Variants in NPAS3 observed in about 807,000 individuals in gnomAD.
The protein encoded by NPAS3 is neuronal PAS domain protein 3, also known as neuronal PAS domain-containing protein 3.
A neutral mutation model predicts 73.1 loss-of-function variants in NPAS3; 14 were observed. The observed-to-expected ratio is 0.19, with a 90% confidence interval of 0.13 to 0.30. The LOEUF (loss-of-function observed/expected upper bound fraction) is 0.30. Among genes scored for constraint, NPAS3 ranks in the 10% least tolerant of loss-of-function variants. The probability of loss-of-function intolerance (pLI) is 1.00; values close to 1 mark genes in which losing one functional copy is unlikely to be tolerated. For missense variants in NPAS3, 1,096 were observed against 1,250.0 expected, an observed-to-expected ratio of 0.88 and a Z score of 1.86; for synonymous variants, 620 against 541.5, an observed-to-expected ratio of 1.14 and a Z score of -2.01.
chr14:32,934,926 C>A, upstream of NPAS3: 1 of 1,080,378 alleles, frequency 9.3e-7, no homozygotes, highest in Non-Finnish European at 1.1e-6. The surrounding 1 kb of genome is among the most constrained non-coding windows in gnomAD (Gnocchi z 4.1). Context: ...TGCCGGCCGG[C>A]GCGGGCATGG....
chr14:33,544,712 C>T (rs971137056), intron 4 of NPAS3, among the ~76,000 whole-genome samples: 3 of 123,396 alleles, frequency 2.4e-5, no homozygotes, highest in Non-Finnish European at 4.9e-5. Flanking sequence ...TTTAAGTCAC[C>T]CAATCTGTGG....
intron 4 of NPAS3, among the ~76,000 whole-genome samples, chr14:33,491,257 T>C (rs572730703): frequency 6.6e-6 from 1 of 152,008 alleles, no homozygotes; most frequent in South Asian, 2.1e-4. Flanking sequence ...TTTTTTTTTC[T>C]CAAAGCCTAA....
At chr14:33,451,481 G>C (rs79771595) in intron 4 of NPAS3, among the ~76,000 whole-genome samples, 1 of 152,106 alleles carries the variant, frequency 6.6e-6, no homozygotes, top group Non-Finnish European at 1.5e-5. Context: ...CCTGAAGTGC[G>C]TTGCCCATTC....
chr14:33,302,987 A>G (rs980073066), intron 3 of NPAS3, among the ~76,000 whole-genome samples: 7 of 151,442 alleles, frequency 4.6e-5, no homozygotes. Context: ...TGTGGCCTTG[A>G]TCAAGCTTAG....
chr14:33,207,261 ACACACGCACAC>A (rs2046862570), intron 2 of NPAS3, among the ~76,000 whole-genome samples: 1 of 14,866 alleles, frequency 6.7e-5, no homozygotes, highest in Non-Finnish European at 1.3e-4. Flanking sequence ...ACACACACAC[ACACACGCACAC>A]ACACACACAC....
At chr14:33,513,562 G>C (rs2053159228) in intron 4 of NPAS3, among the ~76,000 whole-genome samples, 1 of 152,118 alleles carries the variant, frequency 6.6e-6, no homozygotes, top group South Asian at 2.1e-4. Context: ...CTGCACCTTA[G>C]GGAGGTCAAG....
At chr14:33,587,283 A>C (rs2056896789) in intron 5 of NPAS3, among the ~76,000 whole-genome samples, 2 of 151,964 alleles carry the variant, frequency 1.3e-5, no homozygotes, top group African/African-American at 4.8e-5. Flanking sequence ...AAATTTATTT[A>C]ATATCATACT....
chr14:33,525,010 T>C (rs1054677287), intron 4 of NPAS3, among the ~76,000 whole-genome samples: 2 of 152,206 alleles, frequency 1.3e-5, no homozygotes, highest in Admixed American at 6.5e-5. Context: ...GTTAGTACTT[T>C]AACATATGAA....
intron 3 of NPAS3, among the ~76,000 whole-genome samples, chr14:33,229,220 A>T (rs980686065): frequency 4.6e-5 from 7 of 152,260 alleles, no homozygotes; most frequent in Non-Finnish European, 1.0e-4. Context: ...TACCATACTT[A>T]TAAACAAGAG....
At chr14:33,738,226 C>T (rs1284350850) in intron 7 of NPAS3, among the ~76,000 whole-genome samples, 4 of 152,132 alleles carry the variant, frequency 2.6e-5, no homozygotes, top group Non-Finnish European at 5.9e-5. Flanking sequence ...AGGTGAAATA[C>T]TTTGCCCATT....
intron 1 of NPAS3, among the ~76,000 whole-genome samples, chr14:33,002,350 A>C (rs2038838045): frequency 6.6e-6 from 1 of 152,198 alleles, no homozygotes; most frequent in South Asian, 2.1e-4. Context: ...TTAGGTGTAG[A>C]GATTTGGATA....
rs145247069 is a variant in NPAS3, at chr14:33,702,866, C to G, written c.733+26481C>G. On this transcript the variant is annotated intron_variant, in intron 6 of 11. Coordinates refer to ENST00000356141, the Ensembl canonical transcript of NPAS3. ...GGGGGTGCGAGTTGATGTACATTCTCTTCTTTGAAAATAAGCCCTAGGTTG... is the reference window on the plus strand; with the variant it reads ...GGGGGTGCGAGTTGATGTACATTCTGTTCTTTGAAAATAAGCCCTAGGTTG... Among the ~76,000 whole-genome samples, 160 of 152,290 alleles carry G rather than the reference C, an allele frequency of 1.1e-3. 1 individual carries two copies. In the East Asian group the frequency reaches 0.012, roughly 11 times the overall value.
At chr14:32,993,516 G>T (rs1005103688) in intron 1 of NPAS3, among the ~76,000 whole-genome samples, 4 of 152,066 alleles carry the variant, frequency 2.6e-5, no homozygotes, top group Non-Finnish European at 5.9e-5. Context: ...AAGCAAATGC[G>T]CAAAGTGAAA....
chr14:33,482,784 C>T (rs1386637926), intron 4 of NPAS3, among the ~76,000 whole-genome samples: 1 of 152,088 alleles, frequency 6.6e-6, no homozygotes, highest in Admixed American at 6.5e-5. Flanking sequence ...CATGATCTCC[C>T]TCTGTCAGAC....
At chr14:33,545,529 T>C (rs1352951408) in intron 4 of NPAS3, among the ~76,000 whole-genome samples, 3 of 152,216 alleles carry the variant, frequency 2.0e-5, no homozygotes, top group African/African-American at 7.2e-5. Context: ...GTCAGAATTC[T>C]AGCTCAGGTC....
chr14:33,645,767 T>C (rs148713115), intron 5 of NPAS3, among the ~76,000 whole-genome samples: 19 of 152,302 alleles, frequency 1.2e-4, no homozygotes, highest in African/African-American at 4.6e-4. Flanking sequence ...TGCCTAATGA[T>C]AATCACACAT....
intron 4 of NPAS3, among the ~76,000 whole-genome samples, chr14:33,492,498 G>A (rs979715395): frequency 2.6e-5 from 4 of 152,110 alleles, no homozygotes; most frequent in African/African-American, 4.8e-5. Context: ...GAGGAGAATC[G>A]CTTGCTCTTT....
chr14:33,461,653 G>A (rs562644404), intron 4 of NPAS3, among the ~76,000 whole-genome samples: 14 of 152,334 alleles, frequency 9.2e-5, no homozygotes, highest in African/African-American at 3.4e-4. Context: ...CCACTGCCAT[G>A]TTTGCGGTAA....
chr14:33,607,531 G>A (rs907300637), intron 5 of NPAS3, among the ~76,000 whole-genome samples: 2 of 152,012 alleles, frequency 1.3e-5, no homozygotes, highest in South Asian at 2.1e-4. Flanking sequence ...AGAGAGATGC[G>A]GTCTTAGAAA....
Sources: gnomAD v4.1 joint callset for allele counts (sites outside exome capture counted in the v4.1 genomes callset) on GRCh38, gnomAD v4.1.1 for gene constraint, Gnocchi (gnomAD v3.1) non-coding constraint, MANE v1.5 for transcripts, NCBI Gene and HGNC (gene_info 2026-07-23, HGNC 2026-07-21) for gene names.